Variants in TSC22D3 observed in about 807,000 individuals in gnomAD.
TSC22D3 encodes TSC22 domain family protein 3.
Under a neutral mutation model 11.1 loss-of-function variants are expected in TSC22D3, and 4 were observed. The ratio of observed to expected loss-of-function variants is 0.36; its 90% CI spans 0.18 to 0.83. TSC22D3 has a LOEUF of 0.83. Ranked by LOEUF, TSC22D3 falls within the 40% of genes least tolerant of loss-of-function variation. The pLI is 0.48. For synonymous variants in TSC22D3, 77 were observed against 70.3 expected (o/e 1.10, Z -0.48); for missense variants, 118 against 159.4 (o/e 0.74, Z 1.40).
chrX:107,717,349 C>T (rs1346951834), intron 1 of TSC22D3, among the ~76,000 whole-genome samples: 2 of 112,567 alleles, frequency 1.8e-5, no homozygotes, highest in Non-Finnish European at 1.9e-5. Context: ...TAAAGAACAG[C>T]GCTAGTTTGA....
At chrX:107,716,959 A>T in intron 1 of TSC22D3, 1 of 1,062,494 alleles carries the variant, frequency 9.4e-7, no homozygotes, top group Non-Finnish European at 1.2e-6. Flanking sequence ...TGCAGAACGA[A>T]CCCAAAGCCA....
chrX:107,744,907 C>T (rs1043221368), intron 1 of TSC22D3, among the ~76,000 whole-genome samples: 3 of 112,020 alleles, frequency 2.7e-5, no homozygotes, highest in Non-Finnish European at 5.6e-5. Context: ...CTCCTCCCTT[C>T]TCCTGTGGCA....
At chrX:107,723,458 C>T (rs964352973) in intron 1 of TSC22D3, among the ~76,000 whole-genome samples, 1 of 112,700 alleles carries the variant, frequency 8.9e-6, no homozygotes, top group Non-Finnish European at 1.9e-5. Flanking sequence ...ACTTATCCCA[C>T]CTCTTTCAGA....
At chrX:107,764,871 A>C (rs1929593272) in intron 1 of TSC22D3, among the ~76,000 whole-genome samples, 1 of 111,532 alleles carries the variant, frequency 9.0e-6, no homozygotes, top group South Asian at 3.8e-4. Context: ...TTTCTCCAGG[A>C]TAAGAGGGAG....
intron 1 of TSC22D3, among the ~76,000 whole-genome samples, chrX:107,756,651 G>A (rs1929193915): frequency 1.8e-5 from 2 of 112,560 alleles, no homozygotes; most frequent in African/African-American, 6.5e-5. Context: ...GGCACCGGCC[G>A]TTATTATTTT....
At chrX:107,725,448 A>T (rs931553765) in intron 1 of TSC22D3, among the ~76,000 whole-genome samples, 4 of 111,411 alleles carry the variant, frequency 3.6e-5, no homozygotes, top group African/African-American at 1.3e-4. Flanking sequence ...CTCTTTTGAC[A>T]CCAGTCCATG....
intron 1 of TSC22D3, among the ~76,000 whole-genome samples, chrX:107,765,685 TC>T: frequency 8.9e-6 from 1 of 112,748 alleles, no homozygotes; most frequent in Admixed American, 9.4e-5. Flanking sequence ...ATTTATTATT[TC>T]TTTGTTTTGT....
chrX:107,740,947 G>C (rs1306634871), intron 1 of TSC22D3, among the ~76,000 whole-genome samples: 1 of 109,786 alleles, frequency 9.1e-6, no homozygotes, highest in Non-Finnish European at 1.9e-5. Context: ...CCAAGCACAT[G>C]ACAGGCATTG....
intron 1 of TSC22D3, chrX:107,716,545 T>TGCC: frequency 1.3e-6 from 1 of 796,136 alleles, no homozygotes; most frequent in Non-Finnish European, 1.5e-6. Context: ...CCTTCCTGCG[T>TGCC]CCCCTCCCCC....
intron 1 of TSC22D3, among the ~76,000 whole-genome samples, chrX:107,758,808 A>T (rs142749965): frequency 0.015 from 1,683 of 112,099 alleles, 27 homozygotes; most frequent in African/African-American, 0.052. Flanking sequence ...GCTTATTAAC[A>T]ACTGCACATT....
intron 1 of TSC22D3, among the ~76,000 whole-genome samples, chrX:107,754,914 A>C (rs1265748742): frequency 1.8e-5 from 2 of 111,771 alleles, no homozygotes; most frequent in African/African-American, 6.5e-5. Context: ...GCGTTCCAAT[A>C]ATGGAACACC....
At chrX:107,730,259 T>C (rs934362660) in intron 1 of TSC22D3, among the ~76,000 whole-genome samples, 1 of 111,863 alleles carries the variant, frequency 8.9e-6, no homozygotes, top group African/African-American at 3.3e-5. Context: ...TGAAACTCCC[T>C]GGTGTGTGAT....
At chrX:107,755,554 A>G in intron 1 of TSC22D3, among the ~76,000 whole-genome samples, 1 of 112,691 alleles carries the variant, frequency 8.9e-6, no homozygotes, top group South Asian at 3.6e-4. Flanking sequence ...TTTGTATCAC[A>G]GGGAATGGAA....
At chrX:107,739,226 A>G (rs975083938) in intron 1 of TSC22D3, among the ~76,000 whole-genome samples, 1 of 112,753 alleles carries the variant, frequency 8.9e-6, no homozygotes, top group Non-Finnish European at 1.9e-5. Context: ...AATCGTGGAA[A>G]TGCCCACGTC....
intron 1 of TSC22D3, among the ~76,000 whole-genome samples, chrX:107,736,531 C>T (rs773718156): frequency 2.2e-4 from 25 of 111,732 alleles, no homozygotes; most frequent in Non-Finnish European, 1.7e-4. Flanking sequence ...TGGAAGGGAC[C>T]TCTACCTATC....
chrX:107,755,459 C>T (rs1402242023), intron 1 of TSC22D3, among the ~76,000 whole-genome samples: 1 of 112,543 alleles, frequency 8.9e-6, no homozygotes, highest in African/African-American at 3.2e-5. Flanking sequence ...CCAGAACCTT[C>T]ATCGTCTTTC....
chrX:107,726,803 G>A (rs1433241130), intron 1 of TSC22D3, among the ~76,000 whole-genome samples: 1 of 111,207 alleles, frequency 9.0e-6, no homozygotes, highest in Non-Finnish European at 1.9e-5. Context: ...AAGGCTTCCT[G>A]CCAAAGCTCA....
chrX:107,721,558 A>G (rs910594272), intron 1 of TSC22D3, among the ~76,000 whole-genome samples: 8 of 111,853 alleles, frequency 7.2e-5, no homozygotes, highest in African/African-American at 2.6e-4. Context: ...GAAGGAAACT[A>G]TTTATAGGTA....
chrX:107,724,643 C>T (rs1314855061), intron 1 of TSC22D3, among the ~76,000 whole-genome samples: 1 of 112,375 alleles, frequency 8.9e-6, no homozygotes, highest in East Asian at 2.8e-4. Flanking sequence ...AAAGTCATGG[C>T]CTCTGCGCTC....
Sources: allele counts gnomAD v4.1 joint callset (sites outside exome capture counted in the v4.1 genomes callset), GRCh38; gene constraint gnomAD v4.1.1; transcripts MANE v1.5; gene names NCBI Gene and HGNC (gene_info 2026-07-23, HGNC 2026-07-21).